SPRY3: variants seen among roughly 807,000 people sequenced by gnomAD.
The protein encoded by SPRY3 is protein sprouty homolog 3.
SPRY3 carries 15 observed loss-of-function variants against 20.2 expected under a neutral mutation model. The observed-to-expected ratio is 0.74, with a 90% CI of 0.50 to 1.14. SPRY3 has a LOEUF of 1.14. SPRY3 is among the 50% of genes most tolerant of loss of function. SPRY3 has a pLI of 0.00. For synonymous variants in SPRY3, 143 were observed against 136.5 expected, an observed-to-expected ratio of 1.05 and a Z score of -0.33; for missense variants, 364 against 363.9, an observed-to-expected ratio of 1.00 and a Z score of 0.00.
intron 2 of SPRY3, among the ~76,000 whole-genome samples, chrX:155,749,428 A>C (rs2091247789): frequency 1.3e-5 from 2 of 151,810 alleles, no homozygotes; most frequent in Non-Finnish European, 2.9e-5. Context: ...CGTATTATAT[A>C]GATAGAGTGG....
chrX:155,772,781 T>TTAGCTTAAA (rs1433593351), intron 3 of SPRY3, among the ~76,000 whole-genome samples: 4 of 152,136 alleles, frequency 2.6e-5, no homozygotes. Context: ...GACATTCAAC[T>TTAGCTTAAA]TAGCTTAAAT....
chrX:155,632,219 CCA>C (rs55865452), intron 1 of SPRY3, among the ~76,000 whole-genome samples: 174 of 98,557 alleles, frequency 1.8e-3, no homozygotes, highest in African/African-American at 5.1e-3. Context: ...TCCACAGCCA[CCA>C]CACACACACA....
At position 155,734,465 on chromosome X, in the gene SPRY3, A is replaced by G. The variant is rs546172891; in HGVS notation, c.-281-33497A>G. Among the ~76,000 whole-genome samples, 226 of 152,218 alleles carry G rather than the reference A, an allele frequency of 1.5e-3. 1 individual carries two copies. The South Asian group carries it at 0.033, about 22-fold the overall frequency. On this transcript the variant is annotated intron_variant, in intron 2 of 3. Coordinates refer to ENST00000675360, the Ensembl canonical transcript of SPRY3. Reference sequence around the variant, plus strand: ...ATGGTAACGTCAAAGATAATTGAATATAGATCTGTAATAGTAACATCAAAG... The same window carrying G: ...ATGGTAACGTCAAAGATAATTGAATGTAGATCTGTAATAGTAACATCAAAG...
intron 2 of SPRY3, among the ~76,000 whole-genome samples, chrX:155,690,363 C>G (rs1031627028): frequency 3.4e-5 from 3 of 88,093 alleles, no homozygotes; most frequent in Non-Finnish European, 6.4e-5. Flanking sequence ...TGAATATAAA[C>G]AGGCTAAATG....
intron 2 of SPRY3, among the ~76,000 whole-genome samples, chrX:155,709,514 T>C (rs2090972581): frequency 6.6e-6 from 1 of 151,638 alleles, no homozygotes; most frequent in South Asian, 2.1e-4. Flanking sequence ...CAGATTTTTA[T>C]ATTTTCTTCT....
chrX:155,659,622 T>G lies in SPRY3; in HGVS notation c.-282+2597T>G, dbSNP rs781986998. 3.6e-5 allele frequency among the ~76,000 whole-genome samples: 4 copies of G among 111,559 alleles called. No individual in the cohort carries two copies. The Admixed American group carries it at 3.8e-4, about 11-fold the overall frequency. On this transcript the variant is annotated intron_variant, in intron 2 of 3. Transcript: ENST00000675360. ...AACTATTTCAGTAAGATTGGTGCCATTCCTTCTTTGTGCATCTGGTAGAAA... is the reference window on the plus strand; with the variant it reads ...AACTATTTCAGTAAGATTGGTGCCAGTCCTTCTTTGTGCATCTGGTAGAAA...
intron 1 of SPRY3, among the ~76,000 whole-genome samples, chrX:155,640,971 C>A (rs1398667663): frequency 9.0e-6 from 1 of 111,379 alleles, no homozygotes; most frequent in African/African-American, 3.3e-5. Context: ...ATATTGAATA[C>A]CAGTAGTTAA....
chrX:155,779,967 T>C (rs2091453930), downstream of SPRY3: 1 of 166,960 alleles, frequency 6.0e-6, no homozygotes, highest in South Asian at 2.1e-4. Flanking sequence ...TATCCTTATT[T>C]TCACTCTCAA....
chrX:155,682,858 C>G (rs747865170), intron 2 of SPRY3, among the ~76,000 whole-genome samples: 20 of 111,918 alleles, frequency 1.8e-4, no homozygotes, highest in Middle Eastern at 4.6e-3. Flanking sequence ...AGAATATTCA[C>G]GATTCATGAG....
chrX:155,767,406 A>G (rs908019539), intron 2 of SPRY3, among the ~76,000 whole-genome samples: 9 of 151,606 alleles, frequency 5.9e-5, no homozygotes, highest in Non-Finnish European at 1.2e-4. Flanking sequence ...ATACCAACAC[A>G]CCCTGAGCCA....
At chrX:155,740,647 C>T (rs1004313995) in intron 2 of SPRY3, among the ~76,000 whole-genome samples, 3 of 152,124 alleles carry the variant, frequency 2.0e-5, no homozygotes, top group African/African-American at 4.8e-5. Flanking sequence ...TCTCTGCTCT[C>T]GAACCCTGTT....
chrX:155,628,913 A>T (rs1222642928), intron 1 of SPRY3, among the ~76,000 whole-genome samples: 4 of 111,636 alleles, frequency 3.6e-5, no homozygotes, highest in African/African-American at 1.3e-4. Flanking sequence ...ATTTTTTCAC[A>T]TACCTGTTGA....
chrX:155,782,398 C>G lies in SPRY3; in HGVS notation c.*7660C>G, dbSNP rs2275239. On this transcript the variant is annotated 3_prime_UTR_variant, in exon 2 of 2. Transcript: ENST00000302805. ...TTCCAGAGAGGGCCACTTCTACCCC[C>G]CTAGGAGTCATACATCTGGCTACTT... 1,643 of 166,924 alleles carry G rather than the reference C, an allele frequency of 9.8e-3. 162 individuals are homozygous for G. The East Asian group carries it at 0.24, about 24-fold the overall frequency. 10.3% of individuals were successfully genotyped at this position (166,924 alleles called of 1,614,324 possible).
rs1017166863 is a variant in SPRY3 at position 155,631,215 on chromosome X, T to C, written c.-441+18568T>C. On this transcript the variant is annotated intron_variant, in intron 1 of 3. Coordinates refer to ENST00000675360, the Ensembl canonical transcript of SPRY3. Reference sequence around the variant, plus strand: ...TGCAGTATTTGGATTTCTGTTTCTGTGTTAATTCACTTAAGATTGTGGCCT... The same window carrying C: ...TGCAGTATTTGGATTTCTGTTTCTGCGTTAATTCACTTAAGATTGTGGCCT... 7.1e-5 allele frequency among the ~76,000 whole-genome samples: 8 copies of C among 112,398 alleles called. No homozygotes were observed. In the South Asian group the frequency reaches 1.5e-3, roughly 21 times the overall value.
chrX:155,652,184 C>CA lies in SPRY3; in HGVS notation c.-440-4681dup, dbSNP rs782010673. On this transcript the variant is annotated intron_variant, in intron 1 of 3. Transcript: ENST00000675360. ...GCCCCTCCTCCAACATTGGGGATTA[C>CA]AATTTGACATTAGATTTGGGCGGGG... Among the ~76,000 whole-genome samples, 9 of 111,726 alleles carry CA rather than the reference C, an allele frequency of 8.1e-5. No individual in the cohort carries two copies. The East Asian group carries it at 2.5e-3, about 31-fold the overall frequency.
chrX:155,767,736 GAGAGAGGAGGAGGAGGA>G (rs1187790035), intron 2 of SPRY3: 4 of 64,400 alleles, frequency 6.2e-5, no homozygotes, highest in East Asian at 2.4e-3. Context: ...AGGAGGAGGA[GAGAGAGGAGGAGGAGGA>G]GAGAGAGGAG....
At chrX:155,774,681 C>T in exon 4 of SPRY3, 1 of 1,613,940 alleles carries the variant, frequency 6.2e-7, no homozygotes, top group Admixed American at 1.7e-5. Flanking sequence ...ACACTGTGTG[C>T]AGAAAGATCT....
At chrX:155,719,505 A>G (rs1158152112) in intron 2 of SPRY3, among the ~76,000 whole-genome samples, 1 of 152,030 alleles carries the variant, frequency 6.6e-6, no homozygotes, top group Non-Finnish European at 1.5e-5. Context: ...GAGTGCTGGT[A>G]TCACCCCTCC....
chrX:155,673,180 A>G (rs1222198818), intron 2 of SPRY3, among the ~76,000 whole-genome samples: 3 of 106,015 alleles, frequency 2.8e-5, no homozygotes, highest in Admixed American at 1.0e-4. Flanking sequence ...TAACCTGAAC[A>G]TTGTGCACAT....
Sources: allele counts gnomAD v4.1 joint callset (sites outside exome capture counted in the v4.1 genomes callset), GRCh38; gene constraint gnomAD v4.1.1; transcripts MANE v1.5; gene names NCBI Gene and HGNC (gene_info 2026-07-23, HGNC 2026-07-21).